The following PPIL6 variants were observed in gnomAD, a reference collection of about 807,000 sequenced individuals.
PPIL6 encodes the protein peptidylprolyl isomerase like 6.
In PPIL6, 39 loss-of-function variants were observed where a neutral mutation model predicts 36.8. That is an observed-to-expected ratio of 1.06 (90% CI 0.82 to 1.38). PPIL6 has a LOEUF of 1.38. PPIL6 is among the 40% of genes most tolerant of loss of function. The pLI is 0.00. For synonymous variants in PPIL6, 123 were observed against 134.1 expected (o/e 0.92, Z 0.57); for missense variants, 368 against 379.1 (o/e 0.97, Z 0.24).
intron 6 of PPIL6, 79 bp from the exon 7 acceptor site, chr6:109,400,249 A>T: frequency 1.8e-6 from 2 of 1,084,210 alleles, no homozygotes; most frequent in Non-Finnish European, 2.6e-6. Context: ...GAACAAATAG[A>T]ACCCTTGGTA....
At chr6:109,411,362 C>G (rs1369389502) in intron 6 of PPIL6, among the ~76,000 whole-genome samples, 2 of 152,180 alleles carry the variant, frequency 1.3e-5, no homozygotes, top group Non-Finnish European at 2.9e-5. Context: ...TCCTTAGGCT[C>G]TTTGGCAAAT....
At chr6:109,398,813 G>C (rs1772404787) in intron 7 of PPIL6, among the ~76,000 whole-genome samples, 1 of 152,114 alleles carries the variant, frequency 6.6e-6, no homozygotes. Context: ...TAAGCACTGT[G>C]GTATGATTCA....
At position 109,390,894 on chromosome 6, in the gene PPIL6, C is replaced by G. The variant is rs1371276263; in HGVS notation, c.*1932G>C. On this transcript the variant is annotated 3_prime_UTR_variant, in exon 8 of 8. Transcript: ENST00000521072. ...AAAAAGTTAAAAAAGCCTACGCCTA[C>G]TTTTGGCAAGCCTCATATCCATTAG... The G allele has an allele frequency of 6.6e-6, 1 of 152,188 alleles. No homozygotes were observed. The highest frequency in any genetic ancestry group is 1.5e-5 in the Non-Finnish European group (1 of 68,040). The allele number at this position is 152,188 out of a possible 1,614,324, so 9.4% of individuals were successfully genotyped here.
intron 6 of PPIL6, among the ~76,000 whole-genome samples, chr6:109,412,423 C>T (rs955309526): frequency 1.3e-5 from 2 of 152,252 alleles, no homozygotes; most frequent in South Asian, 2.1e-4. Flanking sequence ...TGAAAGACCC[C>T]GAATAGCTAA....
upstream of PPIL6, chr6:109,440,639 G>A (rs1337245878): frequency 2.5e-6 from 3 of 1,187,718 alleles, no homozygotes; most frequent in Non-Finnish European, 3.1e-6. Context: ...GCGTCGCTCC[G>A]GCAACCGCGC....
chr6:109,430,173 A>C (rs915202277), intron 3 of PPIL6, among the ~76,000 whole-genome samples: 1 of 152,244 alleles, frequency 6.6e-6, no homozygotes, highest in African/African-American at 2.4e-5. Context: ...GCCTTTACCT[A>C]TGCACAACTC....
chr6:109,410,807 G>T (rs971258906), intron 6 of PPIL6, among the ~76,000 whole-genome samples: 1 of 152,110 alleles, frequency 6.6e-6, no homozygotes, highest in African/African-American at 2.4e-5. Flanking sequence ...GTGCCTTCTG[G>T]ATCAGAACAT....
At chr6:109,422,881 T>C (rs993723659) in intron 5 of PPIL6, among the ~76,000 whole-genome samples, 3 of 152,232 alleles carry the variant, frequency 2.0e-5, no homozygotes, top group African/African-American at 7.2e-5. Flanking sequence ...GTTATAAACA[T>C]ATTGTACTTA....
chr6:109,404,486 C>T (rs923189409), intron 6 of PPIL6, among the ~76,000 whole-genome samples: 2 of 152,234 alleles, frequency 1.3e-5, no homozygotes, highest in African/African-American at 4.8e-5. Context: ...CACTCAGTTC[C>T]CTCCTCTCTA....
At chr6:109,440,295 T>C in intron 1 of PPIL6, 161 bp downstream of exon 1, 1 of 888,900 alleles carries the variant, frequency 1.1e-6, no homozygotes, top group Non-Finnish European at 1.8e-6. Context: ...CTCCTCCCGG[T>C]CCTCCAGACG....
intron 5 of PPIL6, among the ~76,000 whole-genome samples, chr6:109,424,736 C>A (rs1432235717): frequency 6.6e-6 from 1 of 152,186 alleles, no homozygotes; most frequent in Non-Finnish European, 1.5e-5. Flanking sequence ...ACCAAGATGG[C>A]GATGAGAGTG....
At chr6:109,435,478 C>T (rs1034598900) in intron 2 of PPIL6, among the ~76,000 whole-genome samples, 7 of 151,890 alleles carry the variant, frequency 4.6e-5, no homozygotes, top group Middle Eastern at 3.4e-3. Flanking sequence ...TTGTATTTTT[C>T]GTAGAGACGG....
rs144622835 is a variant in PPIL6, at chr6:109,392,059, T to C, written c.*767A>G. On this transcript the variant is annotated 3_prime_UTR_variant, in exon 8 of 8. Transcript: ENST00000521072. ...ACAAAATTCTCAACCAACAGTAACA[T>C]AAACAACACAACACAGGGCTCTGTT... 4.6e-5 allele frequency: 7 copies of C among 152,318 alleles called. No individual in the cohort carries two copies. Among genetic ancestry groups the C allele is most frequent in the East Asian group, 1.9e-4 (1 of 5,184 alleles). 9.4% of individuals were successfully genotyped at this position (152,318 alleles called of 1,614,324 possible).
intron 6 of PPIL6, chr6:109,405,059 G>GAAA (rs34887926): frequency 7.8e-5 from 27 of 347,076 alleles, no homozygotes; most frequent in South Asian, 1.3e-4. Context: ...CTCAAAAAAG[G>GAAA]AAAAAAAAAA....
Sources: gnomAD v4.1 joint callset for allele counts (sites outside exome capture counted in the v4.1 genomes callset) on GRCh38, gnomAD v4.1.1 for gene constraint, MANE v1.5 for transcripts, NCBI Gene and HGNC (gene_info 2026-07-23, HGNC 2026-07-21) for gene names.